C4BPA: variants seen among roughly 807,000 people sequenced by gnomAD.
The protein encoded by C4BPA is complement component 4 binding protein alpha, also known as C4b-binding protein alpha chain.
C4BPA carries 31 observed loss-of-function variants against 63.7 expected under a neutral mutation model. The observed-to-expected ratio is 0.49, with a 90% CI of 0.37 to 0.66. The LOEUF (loss-of-function observed/expected upper bound fraction) is 0.66, where lower values mean the gene tolerates loss of function less well. Among genes scored for constraint, C4BPA ranks in the 30% least tolerant of loss-of-function variants. The probability of loss-of-function intolerance (pLI) is 0.00; values close to 1 mark genes in which losing one functional copy is unlikely to be tolerated. For synonymous variants in C4BPA, 259 were observed against 254.7 expected (o/e 1.02, Z -0.16); for missense variants, 572 against 723.3 (o/e 0.79, Z 2.40).
At chr1:207,129,522 A>G (rs1572790461) in intron 7 of C4BPA, among the ~76,000 whole-genome samples, 2 of 152,184 alleles carry the variant, frequency 1.3e-5, no homozygotes, top group South Asian at 4.1e-4. Context: ...ACCTTGAGAC[A>G]TTATAATCAA....
chr1:207,115,073 G>C (rs1376052808), intron 3 of C4BPA, among the ~76,000 whole-genome samples: 1 of 152,078 alleles, frequency 6.6e-6, no homozygotes, highest in Non-Finnish European at 1.5e-5. Context: ...TGTTCCTTTT[G>C]TGACATGCAT....
intron 7 of C4BPA, among the ~76,000 whole-genome samples, chr1:207,127,826 T>C (rs982962324): frequency 9.2e-5 from 14 of 152,206 alleles, no homozygotes; most frequent in Non-Finnish European, 1.9e-4. Flanking sequence ...CAGCTCTACC[T>C]TGCGGGAGGA....
chr1:207,139,250 A>G (rs1685358279), intron 9 of C4BPA, among the ~76,000 whole-genome samples: 1 of 152,230 alleles, frequency 6.6e-6, no homozygotes, highest in African/African-American at 2.4e-5. Context: ...CTGCAATAGG[A>G]ACTAAAATGT....
chr1:207,134,659 A>G (rs1179914021), intron 9 of C4BPA, 67 bp downstream of exon 9: 3 of 1,180,046 alleles, frequency 2.5e-6, no homozygotes, highest in Non-Finnish European at 3.6e-6. Flanking sequence ...GATTATTAAG[A>G]GAAGGTTTAA....
chr1:207,105,235 G>A (rs1684534049), intron 1 of C4BPA, among the ~76,000 whole-genome samples: 1 of 152,132 alleles, frequency 6.6e-6, no homozygotes, highest in South Asian at 2.1e-4. Context: ...AATGTAGTAT[G>A]AGCACAGAAT....
chr1:207,116,516 ATGTG>A (rs57449727), intron 4 of C4BPA, among the ~76,000 whole-genome samples: 12,789 of 79,556 alleles, frequency 0.16, 651 homozygotes, highest in Admixed American at 0.25. Flanking sequence ...GTGTGTGTAT[ATGTG>A]TGTGTGTGTG....
chr1:207,109,970 A>G (rs1374904877), intron 1 of C4BPA, among the ~76,000 whole-genome samples: 1 of 152,224 alleles, frequency 6.6e-6, no homozygotes, highest in East Asian at 1.9e-4. Flanking sequence ...TTTTCTTTGG[A>G]ACACACGTTA....
At chr1:207,120,588 A>C (rs1465302347) in intron 4 of C4BPA, among the ~76,000 whole-genome samples, 2 of 152,204 alleles carry the variant, frequency 1.3e-5, no homozygotes, top group East Asian at 3.8e-4. Context: ...AACATAGCGA[A>C]ACCCATCTCT....
chr1:207,130,236 T>C (rs1393446007), intron 7 of C4BPA, among the ~76,000 whole-genome samples: 2 of 152,196 alleles, frequency 1.3e-5, no homozygotes, highest in Non-Finnish European at 1.5e-5. Flanking sequence ...GATAGCCTTC[T>C]AGTAACAATC....
intron 10 of C4BPA, among the ~76,000 whole-genome samples, chr1:207,142,135 G>C (rs1014642754): frequency 1.7e-5 from 2 of 121,210 alleles, no homozygotes; most frequent in African/African-American, 6.5e-5. Flanking sequence ...TGTTCTCATT[G>C]TTCAACTCCC....
intron 1 of C4BPA, among the ~76,000 whole-genome samples, chr1:207,108,776 G>A (rs1684608969): frequency 1.3e-5 from 2 of 152,164 alleles, no homozygotes; most frequent in South Asian, 4.1e-4. Flanking sequence ...AGGCTGGAGT[G>A]CAGTGGTGTG....
chr1:207,116,714 A>ATATT (rs767217588), intron 4 of C4BPA, among the ~76,000 whole-genome samples: 4 of 152,116 alleles, frequency 2.6e-5, no homozygotes, highest in Non-Finnish European at 5.9e-5. Flanking sequence ...AAAATCGCCT[A>ATATT]TATTTCCTCT....
chr1:207,130,381 A>G (rs1685134279), intron 7 of C4BPA, among the ~76,000 whole-genome samples: 1 of 152,172 alleles, frequency 6.6e-6, no homozygotes, highest in Non-Finnish European at 1.5e-5. Flanking sequence ...CATTTTGGAA[A>G]AGAGTTTTTG....
intron 4 of C4BPA, among the ~76,000 whole-genome samples, chr1:207,123,518 A>T (rs1684962853): frequency 6.6e-6 from 1 of 152,182 alleles, no homozygotes; most frequent in South Asian, 2.1e-4. Flanking sequence ...AAAGCTAATG[A>T]TGTATGGGAA....
At chr1:207,115,150 G>A (rs1344779836) in intron 3 of C4BPA, among the ~76,000 whole-genome samples, 1 of 152,054 alleles carries the variant, frequency 6.6e-6, no homozygotes, top group East Asian at 1.9e-4. Flanking sequence ...TCCCGTCCCT[G>A]GTCAGCTTAT....
At chr1:207,139,317 G>A (rs926642603) in intron 9 of C4BPA, among the ~76,000 whole-genome samples, 7 of 152,154 alleles carry the variant, frequency 4.6e-5, no homozygotes, top group African/African-American at 1.7e-4. Context: ...AATTTTTGTA[G>A]TAGACAGATA....
intron 9 of C4BPA, among the ~76,000 whole-genome samples, chr1:207,136,692 G>A (rs1357209310): frequency 6.6e-6 from 1 of 152,204 alleles, no homozygotes; most frequent in Non-Finnish European, 1.5e-5. Context: ...GGAGTGAAGG[G>A]CATGCCATTT....
chr1:207,115,520 G>A lies in C4BPA; in HGVS notation c.428+5G>A. 2.8e-6 allele frequency: 4 copies of A among 1,445,588 alleles called. No individual in the cohort carries two copies. The highest frequency in any genetic ancestry group is 3.8e-6 in the Non-Finnish European group (4 of 1,056,824). The allele number at this position is 1,445,588 out of a possible 1,614,324, so 89.5% of individuals were successfully genotyped here. On this transcript the variant is annotated splice_donor_5th_base_variant and intron_variant, in intron 4 of 11. Transcript: ENST00000367070. ...AGAATTCAGCTGTTCAGAAGGGTGA[G>A]TGTGAGGTAATCTATGAACAATTCT...
At position 207,119,244 on chromosome 1, in the gene C4BPA, T is replaced by C. The variant is rs1328758182; in HGVS notation, c.428+3729T>C. ...GCTCTGCTGTGGCCTGGTTGAGCCC[T>C]CTACTAACAAAGTGATAGAACAGAG... is the stretch of plus-strand genomic sequence containing the variant. On this transcript the variant is annotated intron_variant, in intron 4 of 11. Transcript: ENST00000367070. Among the ~76,000 whole-genome samples, 15 of 92,498 alleles carry C rather than the reference T, an allele frequency of 1.6e-4. 7 individuals carry two copies. Among genetic ancestry groups the C allele is most frequent in the Non-Finnish European group, 4.0e-4 (15 of 37,404 alleles). 60.7% of individuals were successfully genotyped at this position (92,498 alleles called of 152,430 possible). A position where few individuals can be genotyped will look rare whatever the true frequency, so the allele number is the denominator to read the frequency against.
Sources: allele counts gnomAD v4.1 joint callset (sites outside exome capture counted in the v4.1 genomes callset), GRCh38; gene constraint gnomAD v4.1.1; transcripts MANE v1.5; gene names NCBI Gene and HGNC (gene_info 2026-07-23, HGNC 2026-07-21).